Variants in NEK11 observed in about 807,000 individuals in gnomAD.
NEK11 encodes the protein NIMA related kinase 11.
NEK11 carries 72 observed loss-of-function variants against 80.7 expected under a neutral mutation model. The observed-to-expected ratio is 0.89, with a 90% confidence interval of 0.74 to 1.08. The LOEUF (loss-of-function observed/expected upper bound fraction) is 1.08. NEK11 is among the 50% of genes least tolerant of loss of function. The pLI is 0.00. For missense variants in NEK11, 764 were observed against 763.6 expected (o/e 1.00, Z -0.01); for synonymous variants, 251 against 260.7 (o/e 0.96, Z 0.36).
At position 131,152,370 on chromosome 3, in the gene NEK11, C is replaced by A. The variant is rs773247820; in HGVS notation, c.648-18C>A. On this transcript the variant is annotated intron_variant, in intron 7 of 17. Transcript: ENST00000383366. ...AGGATATTTGTTCCTTATTTAAATT[C>A]TTTGACTTTGTCTTCAGGTCACTGG... The A allele has an allele frequency of 4.9e-5, 77 of 1,569,190 alleles. No homozygotes were observed. The East Asian group carries it at 1.5e-3, about 31-fold the overall frequency.
At chr3:131,254,823 C>T (rs1050183612) in intron 16 of NEK11, among the ~76,000 whole-genome samples, 2 of 152,040 alleles carry the variant, frequency 1.3e-5, no homozygotes, top group Admixed American at 1.3e-4. Flanking sequence ...AGTTCAAGAC[C>T]AGCCAGGCCA....
intron 3 of NEK11, among the ~76,000 whole-genome samples, chr3:131,060,903 A>G (rs1246541410): frequency 6.6e-6 from 1 of 152,188 alleles, no homozygotes. Context: ...TGATAACTAA[A>G]GAGACTGAGT....
chr3:131,228,721 C>T (rs370637811), intron 15 of NEK11, 33 bp downstream of exon 15: 4 of 1,599,040 alleles, frequency 2.5e-6, no homozygotes, highest in Non-Finnish European at 3.4e-6. Flanking sequence ...AGCCATGGAA[C>T]TGTTCAAGGT....
intron 3 of NEK11, among the ~76,000 whole-genome samples, chr3:131,063,843 A>G (rs758675329): frequency 1.3e-5 from 2 of 152,222 alleles, no homozygotes; most frequent in Non-Finnish European, 2.9e-5. Context: ...CCCAAAAGAC[A>G]TAAAAACATA....
chr3:131,189,567 T>C (rs2093717754), intron 14 of NEK11, among the ~76,000 whole-genome samples: 1 of 152,192 alleles, frequency 6.6e-6, no homozygotes, highest in South Asian at 2.1e-4. Context: ...TATCATCACA[T>C]TGGTGATTAC....
chr3:131,206,500 A>G (rs747821921), intron 14 of NEK11, among the ~76,000 whole-genome samples: 8 of 152,222 alleles, frequency 5.3e-5, no homozygotes, highest in African/African-American at 4.8e-5. Flanking sequence ...TAAAAATATT[A>G]GAATCGTTAG....
At chr3:131,048,463 G>A (rs2109934944) in intron 3 of NEK11, among the ~76,000 whole-genome samples, 1 of 152,310 alleles carries the variant, frequency 6.6e-6, no homozygotes, top group South Asian at 2.1e-4. Flanking sequence ...GTGCCCACAG[G>A]GCTCTTCCTG....
intron 3 of NEK11, among the ~76,000 whole-genome samples, chr3:131,064,574 T>C (rs994035151): frequency 1.3e-5 from 2 of 152,148 alleles, no homozygotes; most frequent in African/African-American, 4.8e-5. Flanking sequence ...GACCAACATA[T>C]GAATTTTAGG....
At chr3:131,064,849 G>T (rs1441690281) in intron 3 of NEK11, among the ~76,000 whole-genome samples, 3 of 152,060 alleles carry the variant, frequency 2.0e-5, no homozygotes, top group Non-Finnish European at 4.4e-5. Flanking sequence ...CCCTTGCAGG[G>T]CATGCTAGAT....
rs2096259195 is a variant in NEK11 at position 131,274,535 on chromosome 3, C to G, written c.1718+961C>G. ...TCTAGATCCCTGAGGAATCGCTACA[C>G]TGACTTCCACAATGGTTGAACTAGT... On this transcript the variant is annotated intron_variant, in intron 17 of 17. Coordinates refer to ENST00000383366, the MANE Select transcript of NEK11 (RefSeq NM_024800.5). 2.0e-5 allele frequency among the ~76,000 whole-genome samples: 3 copies of G among 150,876 alleles called. No homozygotes were observed. In the South Asian group the frequency reaches 6.3e-4, roughly 32 times the overall value.
chr3:131,257,552 G>A (rs1369455057), intron 16 of NEK11, among the ~76,000 whole-genome samples: 1 of 152,166 alleles, frequency 6.6e-6, no homozygotes, highest in East Asian at 1.9e-4. Flanking sequence ...CCCTTGCGGT[G>A]TCTTGTGGAA....
At chr3:131,275,290 T>G (rs1285065272) in intron 17 of NEK11, among the ~76,000 whole-genome samples, 4 of 152,226 alleles carry the variant, frequency 2.6e-5, no homozygotes, top group Non-Finnish European at 5.9e-5. Context: ...GTTTGCTTAT[T>G]TTACCCGTAA....
chr3:131,118,016 T>A (rs1304820853), intron 5 of NEK11, among the ~76,000 whole-genome samples: 1 of 152,180 alleles, frequency 6.6e-6, no homozygotes, highest in African/African-American at 2.4e-5. Context: ...CTATGTTGAA[T>A]AGGAGTGGTG....
intron 14 of NEK11, among the ~76,000 whole-genome samples, chr3:131,217,902 C>T (rs939517521): frequency 1.3e-5 from 2 of 152,132 alleles, no homozygotes; most frequent in Non-Finnish European, 1.5e-5. Flanking sequence ...CAAGATGAAG[C>T]ATTTTAAGAA....
intron 3 of NEK11, among the ~76,000 whole-genome samples, chr3:131,064,451 G>A (rs538736612): frequency 4.6e-5 from 7 of 151,960 alleles, no homozygotes; most frequent in African/African-American, 1.7e-4. Flanking sequence ...CTCCTTATAA[G>A]AACAACACTT....
intron 15 of NEK11, among the ~76,000 whole-genome samples, chr3:131,232,136 T>C (rs973183387): frequency 2.0e-5 from 3 of 152,142 alleles, no homozygotes; most frequent in Admixed American, 6.5e-5. Context: ...TCACAAGCCA[T>C]TATCATATTG....
At chr3:131,114,047 G>C (rs978972849) in intron 5 of NEK11, among the ~76,000 whole-genome samples, 4 of 151,940 alleles carry the variant, frequency 2.6e-5, no homozygotes, top group African/African-American at 9.7e-5. Context: ...GGAGTGAGGA[G>C]GGGGAGGAAG....
intron 3 of NEK11, among the ~76,000 whole-genome samples, chr3:131,060,633 A>T (rs1360490757): frequency 6.6e-6 from 1 of 152,236 alleles, no homozygotes; most frequent in Non-Finnish European, 1.5e-5. Flanking sequence ...TTAGCAAATC[A>T]AATGGAAAAT....
At chr3:131,088,401 A>C (rs1348193973) in intron 4 of NEK11, among the ~76,000 whole-genome samples, 1 of 152,204 alleles carries the variant, frequency 6.6e-6, no homozygotes, top group African/African-American at 2.4e-5. Context: ...AAATTGTTAA[A>C]TCTAACAATT....
Sources: allele counts gnomAD v4.1 joint callset (sites outside exome capture counted in the v4.1 genomes callset), GRCh38; gene constraint gnomAD v4.1.1; transcripts MANE v1.5; gene names NCBI Gene and HGNC (gene_info 2026-07-23, HGNC 2026-07-21).